STAG1: variants seen among roughly 807,000 people sequenced by gnomAD.
STAG1 encodes the protein cohesin subunit SA-1.
In STAG1, 26 loss-of-function variants were observed where a neutral mutation model predicts 170.9. The observed-to-expected ratio is 0.15, with a 90% confidence interval of 0.11 to 0.21. STAG1 has a LOEUF of 0.21. Among genes scored for constraint, STAG1 ranks in the 10% least tolerant of loss-of-function variants. The probability of loss-of-function intolerance (pLI) is 1.00; values close to 1 mark genes in which losing one functional copy is unlikely to be tolerated. For synonymous variants in STAG1, 514 were observed against 497.7 expected (o/e 1.03, Z -0.44); for missense variants, 964 against 1,509.5 (o/e 0.64, Z 5.99).
At chr3:136,751,172 GTTTT>G (rs776717703) in intron 1 of STAG1, among the ~76,000 whole-genome samples, 3 of 136,160 alleles carry the variant, frequency 2.2e-5, no homozygotes, top group Non-Finnish European at 3.1e-5. Context: ...GACAAATTGC[GTTTT>G]TTTTTTTTGT....
At chr3:136,390,977 T>C (rs2086993153) in intron 22 of STAG1, among the ~76,000 whole-genome samples, 1 of 152,204 alleles carries the variant, frequency 6.6e-6, no homozygotes, top group Non-Finnish European at 1.5e-5. Flanking sequence ...CCACTATCAG[T>C]CCCACCTTCA....
At chr3:136,644,016 A>G (rs538531887) in intron 1 of STAG1, among the ~76,000 whole-genome samples, 1 of 152,166 alleles carries the variant, frequency 6.6e-6, no homozygotes. Context: ...ATTTTGGCTA[A>G]ATTTGTACAG....
At chr3:136,354,349 G>A (rs939342615) in intron 28 of STAG1, among the ~76,000 whole-genome samples, 1 of 152,202 alleles carries the variant, frequency 6.6e-6, no homozygotes. Context: ...GTGGAGTGCA[G>A]TGGCACGATA....
intron 22 of STAG1, among the ~76,000 whole-genome samples, chr3:136,395,078 G>C (rs1379076709): frequency 6.6e-6 from 1 of 151,916 alleles, no homozygotes; most frequent in Non-Finnish European, 1.5e-5. Context: ...TGGGCAACCA[G>C]GGTGAGACCC....
intron 6 of STAG1, among the ~76,000 whole-genome samples, chr3:136,522,724 C>A (rs921125004): frequency 8.3e-6 from 1 of 119,776 alleles, no homozygotes; most frequent in African/African-American, 3.2e-5. Context: ...CCCCCCTCCC[C>A]CCACCCCACG....
intron 12 of STAG1, among the ~76,000 whole-genome samples, chr3:136,469,021 C>G (rs541556004): frequency 1.2e-3 from 182 of 152,134 alleles, no homozygotes; most frequent in African/African-American, 2.4e-3. Flanking sequence ...CAAACCCACA[C>G]CCAATATCAT....
chr3:136,507,920 T>C (rs1049809838), intron 7 of STAG1, among the ~76,000 whole-genome samples: 18 of 152,130 alleles, frequency 1.2e-4, no homozygotes, highest in Non-Finnish European at 1.9e-4. Context: ...TAGCTGTGTC[T>C]TTCCAAAGAA....
At chr3:136,515,872 G>A (rs988661378) in intron 7 of STAG1, among the ~76,000 whole-genome samples, 1 of 152,096 alleles carries the variant, frequency 6.6e-6, no homozygotes, top group Non-Finnish European at 1.5e-5. Context: ...GAGAACATCA[G>A]AAGTCTGTTA....
At chr3:136,393,797 T>C (rs548487682) in intron 22 of STAG1, among the ~76,000 whole-genome samples, 7 of 152,182 alleles carry the variant, frequency 4.6e-5, no homozygotes, top group African/African-American at 1.7e-4. Context: ...GGTTTCACCA[T>C]GTTGGTCAGG....
intron 1 of STAG1, among the ~76,000 whole-genome samples, chr3:136,675,704 T>G (rs1942110045): frequency 6.6e-6 from 1 of 152,126 alleles, no homozygotes; most frequent in Non-Finnish European, 1.5e-5. Context: ...AATCACTCAT[T>G]ATCCTCCCCA....
chr3:136,426,726 A>G (rs1390290017), intron 16 of STAG1, among the ~76,000 whole-genome samples: 1 of 151,994 alleles, frequency 6.6e-6, no homozygotes, highest in Admixed American at 6.6e-5. Flanking sequence ...ATCACTAGAC[A>G]TCAGGAGTTC....
chr3:136,475,095 T>C (rs1289370103), intron 10 of STAG1, among the ~76,000 whole-genome samples: 4 of 151,906 alleles, frequency 2.6e-5, no homozygotes, highest in Non-Finnish European at 5.9e-5. Context: ...TTCATTAGTC[T>C]GTTTCCTGCT....
At chr3:136,477,520 T>C in intron 9 of STAG1, 108 bp from the exon 10 acceptor site, 7 of 1,056,274 alleles carry the variant, frequency 6.6e-6, no homozygotes, top group Non-Finnish European at 9.1e-6. Flanking sequence ...TGTATATATT[T>C]GCATTCTGAA....
chr3:136,389,468 T>C (rs2086952552), intron 22 of STAG1, among the ~76,000 whole-genome samples: 1 of 152,064 alleles, frequency 6.6e-6, no homozygotes, highest in South Asian at 2.1e-4. Context: ...AATTTTTTTG[T>C]ATTTTTAGTA....
intron 16 of STAG1, among the ~76,000 whole-genome samples, chr3:136,425,617 A>G (rs904526364): frequency 6.6e-6 from 1 of 151,846 alleles, no homozygotes; most frequent in Non-Finnish European, 1.5e-5. Flanking sequence ...AAATTCAAAG[A>G]GGTAAAAACT....
chr3:136,539,426 A>C (rs1935789345), intron 6 of STAG1, among the ~76,000 whole-genome samples: 1 of 152,210 alleles, frequency 6.6e-6, no homozygotes, highest in Non-Finnish European at 1.5e-5. Context: ...AAAATCACGC[A>C]ATTTATCAAT....
chr3:136,382,498 G>C (rs1938029215), intron 22 of STAG1, among the ~76,000 whole-genome samples: 1 of 151,620 alleles, frequency 6.6e-6, no homozygotes, highest in Admixed American at 6.6e-5. Context: ...TGCCTCCTGG[G>C]TTCAAGCGAT....
Position 136,417,947 on chromosome 3 carries a change from G to A in STAG1, c.2134C>T (p.Leu712Phe), listed in dbSNP as rs1021762615. Reference sequence around the variant, plus strand: ...AATAATCTGTAGCAATTACCAAAGAGATCCCATTTTGTGAGATCATGTGCA... The same window carrying A: ...AATAATCTGTAGCAATTACCAAAGAAATCCCATTTTGTGAGATCATGTGCA... ...HNAHDLTKWD[L>F]FGNCYRLLKT... The change falls in exon 21 of 34, where the codon CTC becomes TTC. Residue 712 changes from leucine (L) to phenylalanine (F), a missense_variant. Coordinates refer to ENST00000383202, the MANE Select transcript of STAG1 (RefSeq NM_005862.3). The A allele has an allele frequency of 4.3e-6, 7 of 1,613,666 alleles. No homozygotes were observed. Among genetic ancestry groups the A allele is most frequent in the Non-Finnish European group, 5.1e-6 (6 of 1,179,744 alleles).
chr3:136,445,221 C>T lies in STAG1; in HGVS notation c.1429-1817G>A, dbSNP rs948532654. 2.0e-5 allele frequency among the ~76,000 whole-genome samples: 3 copies of T among 152,114 alleles called. No homozygotes were observed. The South Asian group carries it at 6.2e-4, about 32-fold the overall frequency. ...TAAATAATACTGATTAGCATCTTTGCTTGTAAATAATATAGGCAAAGGTTT... is the reference window on the plus strand; with the variant it reads ...TAAATAATACTGATTAGCATCTTTGTTTGTAAATAATATAGGCAAAGGTTT... On this transcript the variant is annotated intron_variant, in intron 14 of 33. Transcript: ENST00000383202.
Sources: gnomAD v4.1 joint callset for allele counts (sites outside exome capture counted in the v4.1 genomes callset) on GRCh38, gnomAD v4.1.1 for gene constraint, MANE v1.5 for transcripts, NCBI Gene and HGNC (gene_info 2026-07-23, HGNC 2026-07-21) for gene names.